Variants in RPS3 observed in about 807,000 individuals in gnomAD.
RPS3 encodes ribosomal protein S3, also known as small ribosomal subunit protein uS3.
A neutral mutation model predicts 25.8 loss-of-function variants in RPS3; 2 were observed. The observed-to-expected ratio is 0.08, with a 90% CI of 0.03 to 0.24. The LOEUF is 0.24. Ranked by LOEUF, RPS3 falls within the 10% of genes least tolerant of loss-of-function variation. The pLI is 1.00. For synonymous variants in RPS3, 114 were observed against 114.2 expected (o/e 1.00, Z 0.01); for missense variants, 107 against 307.1 (o/e 0.35, Z 4.87).
At chr11:75,417,240 T>C (rs1248111426) in intron 6 of RPS3, among the ~76,000 whole-genome samples, 1 of 151,806 alleles carries the variant, frequency 6.6e-6, no homozygotes, top group Non-Finnish European at 1.5e-5. Flanking sequence ...GAGGCCGAAA[T>C]GGGAGAATCA....
Position 75,401,668 on chromosome 11 carries a change from C to T in RPS3, c.190C>T (p.Arg64Trp). Residue 64 changes from arginine (R) to tryptophan (W), a missense_variant, in exon 3 of 7, where the codon CGG becomes TGG. Arg to Trp is a moderately radical substitution (Grantham distance 101). Coordinates refer to ENST00000531188, the MANE Select transcript of RPS3 (RefSeq NM_001005.5). ...ACAGAATGTTCTTGGTGAGAAGGGC[C>T]GGCGGATTCGGGAACTGACTGCTGT... ...RTQNVLGEKG[R>W]RIRELTAVVQ... 1 of 1,613,096 alleles carries T rather than the reference C, an allele frequency of 6.2e-7. No individual in the cohort carries two copies. Among genetic ancestry groups the T allele is most frequent in the Non-Finnish European group, 8.5e-7 (1 of 1,179,108 alleles).
intron 4 of RPS3, 84 bp downstream of exon 4, chr11:75,402,530 T>A: frequency 7.0e-7 from 1 of 1,426,952 alleles, no homozygotes; most frequent in Non-Finnish European, 9.7e-7. Context: ...GCAGATGAAC[T>A]GTTACAAAGT....
intron 6 of RPS3, among the ~76,000 whole-genome samples, chr11:75,418,430 A>G (rs961152287): frequency 1.3e-5 from 2 of 152,248 alleles, no homozygotes; most frequent in African/African-American, 4.8e-5. Context: ...AGAAAAATCA[A>G]GATGGAAAAA....
intron 2 of RPS3, 46 bp from the exon 3 acceptor site, chr11:75,401,594 C>A (rs1425190810): frequency 8.0e-7 from 1 of 1,248,754 alleles, no homozygotes; most frequent in African/African-American, 1.5e-5. Flanking sequence ...TTTAAAGTTA[C>A]ATCTAGCATT....
Position 75,405,836 on chromosome 11 carries a change from A to G in RPS3, c.*226A>G. 2 of 269,998 alleles carry G rather than the reference A, an allele frequency of 7.4e-6. No homozygotes were observed. The highest frequency in any genetic ancestry group is 7.5e-5 in the South Asian group (2 of 26,812). 16.7% of individuals were successfully genotyped at this position (269,998 alleles called of 1,614,324 possible). A position where few individuals can be genotyped will look rare whatever the true frequency, so the allele number is the denominator to read the frequency against. ...AAGCAGAGCCAACCAGAGAAATAAT[A>G]TTTGTGTGATAGAGAAGGCTGATAG... On this transcript the variant is annotated 3_prime_UTR_variant, in exon 7 of 7. Transcript: ENST00000531188.
chr11:75,405,590 C>T (rs1433478433), intron 6 of RPS3, 24 bp from the exon 7 acceptor site: 1 of 455,040 alleles, frequency 2.2e-6, no homozygotes, highest in South Asian at 1.6e-5. Context: ...AAGTTTCTTA[C>T]TTTTGTGCTT....
In RPS3 at chr11:75,399,915, T is replaced by G; in HGVS notation, c.30+338T>G. ...TCCCTCATGTCTTATCCCGTGGTTT[T>G]GGGAAGAGAAGGCAGCAGTGTATTC... On this transcript the variant is annotated intron_variant, in intron 1 of 6. Transcript: ENST00000531188. 5 of 407,642 alleles carry G rather than the reference T, an allele frequency of 1.2e-5. No homozygotes were observed. In the East Asian group the frequency reaches 2.0e-4, roughly 16 times the overall value. 25.3% of individuals were successfully genotyped at this position (407,642 alleles called of 1,614,324 possible). A position where few individuals can be genotyped will look rare whatever the true frequency, so the allele number is the denominator to read the frequency against.
chr11:75,405,648 G>A lies in RPS3; in HGVS notation c.*38G>A, dbSNP rs1035643356. 4.4e-6 allele frequency: 2 copies of A among 456,050 alleles called. No individual in the cohort carries two copies. Among genetic ancestry groups the A allele is most frequent in the Admixed American group, 2.4e-5 (1 of 42,552 alleles). The allele number at this position is 456,050 out of a possible 1,614,324, so 28.3% of individuals were successfully genotyped here. A position where few individuals can be genotyped will look rare whatever the true frequency, so the allele number is the denominator to read the frequency against. Reference sequence around the variant, plus strand: ...GGCAGCTGTATTCTGGAGTCTGGATGTTGCTCTCTAAAGACCTTTAATAAA... The same window carrying A: ...GGCAGCTGTATTCTGGAGTCTGGATATTGCTCTCTAAAGACCTTTAATAAA... On this transcript the variant is annotated 3_prime_UTR_variant, in exon 7 of 7. Coordinates refer to ENST00000531188, the MANE Select transcript of RPS3 (RefSeq NM_001005.5).
At chr11:75,402,223 G>T in intron 3 of RPS3, 129 bp from the exon 4 acceptor site, 1 of 1,391,392 alleles carries the variant, frequency 7.2e-7, no homozygotes, top group Non-Finnish European at 1.0e-6. Context: ...CATCTCCTGG[G>T]CAGCATGCGG....
chr11:75,407,328 G>C (rs931860827), downstream of RPS3, among the ~76,000 whole-genome samples: 1 of 151,878 alleles, frequency 6.6e-6, no homozygotes, highest in Non-Finnish European at 1.5e-5. Flanking sequence ...AGTAGAGACC[G>C]GGTTTCCCCA....
intron 6 of RPS3, among the ~76,000 whole-genome samples, chr11:75,421,524 C>A (rs1032055859): frequency 6.6e-6 from 1 of 152,184 alleles, no homozygotes; most frequent in Non-Finnish European, 1.5e-5. Context: ...TTGTTGCTGC[C>A]CCTAGAGCCC....
downstream of RPS3, among the ~76,000 whole-genome samples, chr11:75,410,951 A>G (rs911688086): frequency 6.6e-6 from 1 of 152,170 alleles, no homozygotes; most frequent in African/African-American, 2.4e-5. Flanking sequence ...ATCTTGGCTC[A>G]CTGCAAGCTC....
At chr11:75,408,954 T>G (rs1948315564), downstream of RPS3, among the ~76,000 whole-genome samples, 1 of 152,022 alleles carries the variant, frequency 6.6e-6, no homozygotes, top group Admixed American at 6.6e-5. Flanking sequence ...TATGCCACTC[T>G]AAACACAGCT....
chr11:75,412,718 A>G (rs1948368122), intron 6 of RPS3, among the ~76,000 whole-genome samples: 1 of 152,228 alleles, frequency 6.6e-6, no homozygotes, highest in African/African-American at 2.4e-5. Context: ...AGGGCTTCAG[A>G]TATAAAATCT....
intron 4 of RPS3, chr11:75,403,815 A>C: frequency 5.6e-6 from 3 of 533,998 alleles, no homozygotes; most frequent in Non-Finnish European, 9.9e-6. Context: ...TGGAAAGTAC[A>C]TATTTAGGAG....
At chr11:75,417,514 G>A (rs1170379026) in intron 6 of RPS3, among the ~76,000 whole-genome samples, 1 of 152,176 alleles carries the variant, frequency 6.6e-6, no homozygotes, top group East Asian at 1.9e-4. Context: ...GGAGAATGGC[G>A]TGAACCCGGG....
intron 6 of RPS3, among the ~76,000 whole-genome samples, chr11:75,412,352 C>T (rs562721303): frequency 1.8e-4 from 27 of 152,334 alleles, no homozygotes; most frequent in African/African-American, 6.5e-4. Flanking sequence ...ACTCTATTGC[C>T]TTTCCTGGCT....
downstream of RPS3, among the ~76,000 whole-genome samples, chr11:75,409,921 G>GCGGC (rs1172698305): frequency 1.3e-5 from 2 of 148,600 alleles, no homozygotes; most frequent in African/African-American, 5.0e-5. Flanking sequence ...CCCGGACGGG[G>GCGGC]CGGCCGGCCG....
At chr11:75,401,794 C>G in intron 3 of RPS3, 61 bp downstream of exon 3, 1 of 946,266 alleles carries the variant, frequency 1.1e-6, no homozygotes, top group Non-Finnish European at 1.7e-6. Flanking sequence ...TCTAAAAACT[C>G]TCAACTTGGA....
Sources: gnomAD v4.1 joint callset for allele counts (sites outside exome capture counted in the v4.1 genomes callset) on GRCh38, gnomAD v4.1.1 for gene constraint, MANE v1.5 for transcripts, NCBI Gene and HGNC (gene_info 2026-07-23, HGNC 2026-07-21) for gene names.